Variants in MUC12 observed in about 807,000 individuals in gnomAD.
MUC12 encodes mucin-12.
Under a neutral mutation model 230.8 loss-of-function variants are expected in MUC12, and 172 were observed. The observed-to-expected ratio is 0.75, with a 90% CI of 0.66 to 0.85. The LOEUF (loss-of-function observed/expected upper bound fraction) is 0.85. Ranked by LOEUF, MUC12 falls within the 40% of genes least tolerant of loss-of-function variation. The pLI, the probability that MUC12 is intolerant of heterozygous loss-of-function variation, is 0.00. For synonymous variants in MUC12, 1,259 were observed against 2,401.9 expected (o/e 0.52, Z 13.91); for missense variants, 3,506 against 5,920.6 (o/e 0.59, Z 13.38).
chr7:100,982,390 CT>C (rs1214876893), intron 1 of MUC12, among the ~76,000 whole-genome samples: 12 of 152,222 alleles, frequency 7.9e-5, no homozygotes, highest in African/African-American at 2.4e-4. Context: ...CTCTTTATTC[CT>C]CTAGCCCTTT....
rs372552928 is a variant in MUC12, at chr7:100,991,710, A to G, written c.1147A>G (p.Ser383Gly). ...TGAAAGCTCCACAACTTCAGGCCAT[A>G]GTGAAGAATCAGCAACTTTCCACGG... ...FPESSTTSGH[S>G]EESATFHGST... The change falls in exon 2 of 12, where the codon AGT becomes GGT. Residue 383 changes from serine to glycine, a missense_variant. Coordinates refer to ENST00000536621, the MANE Select transcript of MUC12 (RefSeq NM_001164462.2). The G allele has an allele frequency of 1.5e-4, 238 of 1,537,456 alleles. No homozygotes were observed. The African/African-American group carries it at 2.4e-3, about 15-fold the overall frequency.
At chr7:101,014,701 C>T (rs1031027623) in intron 9 of MUC12, among the ~76,000 whole-genome samples, 59 of 152,254 alleles carry the variant, frequency 3.9e-4, no homozygotes, top group African/African-American at 1.3e-3. Context: ...TGGTCTTGAA[C>T]TCCTGACCTT....
In MUC12 at chr7:101,004,359, T is replaced by C; in HGVS notation, c.13796T>C (p.Val4599Ala). 1.4e-6 allele frequency: 2 copies of C among 1,410,716 alleles called. No individual in the cohort carries two copies. The highest frequency in any genetic ancestry group is 1.9e-6 in the Non-Finnish European group (2 of 1,067,134). The allele number at this position is 1,410,716 out of a possible 1,614,324, so 87.4% of individuals were successfully genotyped here. A position where few individuals can be genotyped will look rare whatever the true frequency, so the allele number is the denominator to read the frequency against. ...SPARSTTSGL[V>A]EESTAYHSSP... Reference sequence around the variant, plus strand: ...GCCCGCTCCACAACCTCAGGCCTCGTTGAAGAATCTACGGCGTACCACAGC... The same window carrying C: ...GCCCGCTCCACAACCTCAGGCCTCGCTGAAGAATCTACGGCGTACCACAGC... The change falls in exon 2 of 12, where the codon GTT becomes GCT. Residue 4599 changes from valine to alanine, a missense_variant. By Grantham distance (64) the Val-to-Ala change is moderately conservative (BLOSUM62 0). Coordinates refer to ENST00000536621, the MANE Select transcript of MUC12 (RefSeq NM_001164462.2).
intron 1 of MUC12, chr7:100,972,068 G>T (rs766293487): frequency 5.7e-6 from 4 of 702,644 alleles, no homozygotes; most frequent in Admixed American, 2.0e-5. Flanking sequence ...ACTCCGGAGG[G>T]CTCCGGAAGA....
At position 101,012,394 on chromosome 7, in the gene MUC12, C is replaced by T; in HGVS notation, c.15350C>T (p.Ala5117Val). Residue 5117 changes from alanine (A) to valine (V), a missense_variant, in exon 6 of 12, where the codon GCC becomes GTC. Transcript: ENST00000536621. ...GAAAACCTGGCAGAGATTGTAAAGG[C>T]CAAGATTATGAATGAAACTAGAACA... ...LFENLAEIVK[A>V]KIMNETRTTL... The T allele has an allele frequency of 2.0e-6, 3 of 1,537,780 alleles. No homozygotes were observed. The highest frequency in any genetic ancestry group is 1.7e-6 in the Non-Finnish European group (2 of 1,147,028).
chr7:100,980,030 T>TC lies in MUC12; in HGVS notation c.67+10341_67+10342insC, dbSNP rs1491364511. ...CACATTGAGAACTCGCCTCTCTCTC[T>TC]TTTTTTTTTTTCGTTGTTGTTGTTT... is the stretch of plus-strand genomic sequence containing the variant. On this transcript the variant is annotated intron_variant, in intron 1 of 11. Transcript: ENST00000536621. 4.5e-4 allele frequency among the ~76,000 whole-genome samples: 64 copies of TC among 141,430 alleles called. 1 individual carries two copies. Among genetic ancestry groups the TC allele is most frequent in the Middle Eastern group, 3.6e-3 (1 of 280 alleles). The allele number at this position is 141,430 out of a possible 152,430, so 92.8% of individuals were successfully genotyped here.
Position 100,992,347 on chromosome 7 carries a change from AC to A in MUC12, c.1785del (p.Asn595LysfsTer186). 6.5e-7 allele frequency: 1 copy of A among 1,536,562 alleles called. No homozygotes were observed. The highest frequency in any genetic ancestry group is 1.4e-5 in the African/African-American group (1 of 73,128). Reference sequence around the variant, plus strand: ...ACTGAAACAACACTCTTACCTGACAACACCACAGCCTCAGGACTCCTTGAAG... The same window carrying A: ...ACTGAAACAACACTCTTACCTGACAAACCACAGCCTCAGGACTCCTTGAAG... ...GSTETTLLPD[N>X]TTASGLLEAS... On this transcript the variant is annotated frameshift_variant, in exon 2 of 12. Transcript: ENST00000536621. LOFTEE classifies it high-confidence loss of function.
rs780047483 is a variant in MUC12, at chr7:100,980,029, C to CT, written c.67+10352dup. 5.1e-3 allele frequency among the ~76,000 whole-genome samples: 723 copies of CT among 142,824 alleles called. 3 individuals carry two copies. The highest frequency in any genetic ancestry group is 8.6e-3 in the Non-Finnish European group (556 of 64,832). 93.7% of individuals were successfully genotyped at this position (142,824 alleles called of 152,430 possible). ...GCACATTGAGAACTCGCCTCTCTCT[C>CT]TTTTTTTTTTTTCGTTGTTGTTGTT... On this transcript the variant is annotated intron_variant, in intron 1 of 11. Coordinates refer to ENST00000536621, the MANE Select transcript of MUC12 (RefSeq NM_001164462.2).
Position 101,012,820 on chromosome 7 carries a change from G to A in MUC12, c.15405G>A (p.Lys5135=), listed in dbSNP as rs1232394744. 6.5e-6 allele frequency: 10 copies of A among 1,537,260 alleles called. No individual in the cohort carries two copies. The highest frequency in any genetic ancestry group is 7.8e-6 in the Non-Finnish European group (9 of 1,146,914). Reference sequence around the variant, plus strand: ...TTCCTTCCCATCCACTCTCGGCAGAGGCCATACTGTGCTATAGTGAAGAGG... The same window carrying A: ...TTCCTTCCCATCCACTCTCGGCAGAAGCCATACTGTGCTATAGTGAAGAGG... The part of the protein sequence containing the change: ...TTLLDPDSCR[K]AILCYSEEDT... Residue 5135 remains lysine (K), a splice_region_variant and synonymous_variant, in exon 7 of 12, where the codon AAG becomes AAA. Coordinates refer to ENST00000536621, the MANE Select transcript of MUC12 (RefSeq NM_001164462.2).
At chr7:100,981,345 C>T in intron 1 of MUC12, 1 of 606,290 alleles carries the variant, frequency 1.6e-6, no homozygotes, top group Non-Finnish European at 2.9e-6. Flanking sequence ...TCACCCAGAG[C>T]ATGGTTCCCT....
Position 100,992,337 on chromosome 7 carries a change from T to C in MUC12, c.1774T>C (p.Leu592=), listed in dbSNP as rs1189272520. 2.6e-6 allele frequency: 4 copies of C among 1,536,762 alleles called. No individual in the cohort carries two copies. The highest frequency in any genetic ancestry group is 8.7e-7 in the Non-Finnish European group (1 of 1,146,116). ...SRPGSTETTL[L]PDNTTASGLL... is the part of the protein sequence containing the mutation. ...CCCAGGCTCCACTGAAACAACACTCTTACCTGACAACACCACAGCCTCAGG... is the reference window on the plus strand; with the variant it reads ...CCCAGGCTCCACTGAAACAACACTCCTACCTGACAACACCACAGCCTCAGG... The change falls in exon 2 of 12, where the codon TTA becomes CTA. Residue 592 remains leucine, a synonymous_variant. Transcript: ENST00000536621.
rs1161523030 is a variant in MUC12, at chr7:100,994,093, C to A, written c.3530C>A (p.Thr1177Asn). 6 of 1,027,668 alleles carry A rather than the reference C, an allele frequency of 5.8e-6. 2 individuals are homozygous for A. Among genetic ancestry groups the A allele is most frequent in the South Asian group, 5.0e-5 (3 of 60,274 alleles). The allele number at this position is 1,027,668 out of a possible 1,614,324, so 63.7% of individuals were successfully genotyped here. Reference protein sequence around the residue: ...STETTVFPHSTTTSVHGEEPT... With the variant: ...STETTVFPHSNTTSVHGEEPT... Reference sequence around the variant, plus strand: ...GAAACCACAGTGTTCCCTCACAGCACCACAACCTCAGTTCATGGTGAAGAG... The same window carrying A: ...GAAACCACAGTGTTCCCTCACAGCAACACAACCTCAGTTCATGGTGAAGAG... The change falls in exon 2 of 12, where the codon ACC (threonine) becomes AAC (asparagine). Residue 1177 changes from threonine (T) to asparagine (N), a missense_variant. Physicochemically the swap from Thr to Asn is moderately conservative, Grantham distance 65. Transcript: ENST00000536621.
intron 4 of MUC12, 137 bp downstream of exon 4, chr7:101,008,898 G>GAAGCTCTCAA: frequency 7.6e-7 from 1 of 1,314,884 alleles, no homozygotes; most frequent in Non-Finnish European, 1.0e-6. Flanking sequence ...GTCTTGAAAG[G>GAAGCTCTCAA]AGGTCCTTTG....
In MUC12 at chr7:101,013,105, G is replaced by A. The variant is rs769891317; in HGVS notation, c.15601G>A (p.Gly5201Ser). Residue 5201 changes from glycine (G) to serine (S), a missense_variant, in exon 8 of 12, where the codon GGC becomes AGC. By Grantham distance (56) the Gly-to-Ser change is moderately conservative. Coordinates refer to ENST00000536621, the MANE Select transcript of MUC12 (RefSeq NM_001164462.2). ...GAAGTCGCAAATGAACTGTAACCTG[G>A]GCACATGTCAGCTGCAACGCAGTGG... ...GTKSQMNCNL[G>S]TCQLQRSGPR... The A allele has an allele frequency of 7.8e-6, 12 of 1,537,144 alleles. No individual in the cohort carries two copies. The East Asian group carries it at 2.9e-4, about 38-fold the overall frequency.
chr7:100,995,863 A>G lies in MUC12; in HGVS notation c.5300A>G (p.Glu1767Gly). Residue 1767 changes from glutamate to glycine, a missense_variant, in exon 2 of 12, where the codon GAA (glutamate) becomes GGA (glycine). Transcript: ENST00000536621. ...PARSTTSGLV[E>G]ESTAYHSSPG... is the part of the protein sequence containing the mutation. ...CGCTCCACAACCTCAGGCCTCGTTG[A>G]AGAATCTACGGCGTACCACAGCAGC... is the stretch of plus-strand genomic sequence containing the variant. The G allele has an allele frequency of 6.9e-7, 1 of 1,447,200 alleles. No individual in the cohort carries two copies. The highest frequency in any genetic ancestry group is 9.2e-7 in the Non-Finnish European group (1 of 1,081,106). 89.6% of individuals were successfully genotyped at this position (1,447,200 alleles called of 1,614,324 possible).
At chr7:100,976,271 T>C (rs951628916) in intron 1 of MUC12, among the ~76,000 whole-genome samples, 2 of 147,508 alleles carry the variant, frequency 1.4e-5, no homozygotes, top group African/African-American at 5.0e-5. Flanking sequence ...GAGCAAGACA[T>C]TACCTCTTAA....
chr7:100,986,860 C>T (rs1793198437), intron 1 of MUC12, among the ~76,000 whole-genome samples: 1 of 152,112 alleles, frequency 6.6e-6, no homozygotes, highest in East Asian at 1.9e-4. Flanking sequence ...TGTAGAATTC[C>T]TAGTAACTCC....
Position 100,992,233 on chromosome 7 carries a change from G to T in MUC12, c.1670G>T (p.Gly557Val). 1 of 1,537,122 alleles carries T rather than the reference G, an allele frequency of 6.5e-7. No individual in the cohort carries two copies. The highest frequency in any genetic ancestry group is 8.7e-7 in the Non-Finnish European group (1 of 1,146,500). ...TCTACAGCTTCCCACAGCAGCCCAGGCCCCACAGACACAACATTGTCCCCT... is the reference window on the plus strand; with the variant it reads ...TCTACAGCTTCCCACAGCAGCCCAGTCCCCACAGACACAACATTGTCCCCT... ...QESTASHSSPGPTDTTLSPGS... is the reference protein window; with the variant it reads ...QESTASHSSPVPTDTTLSPGS... The change falls in exon 2 of 12, where the codon GGC (glycine) becomes GTC (valine). Residue 557 changes from glycine (G) to valine (V), a missense_variant. Transcript: ENST00000536621.
rs61570080 is a variant in MUC12 at position 100,989,099 on chromosome 7, C to CTT, written c.68-1514_68-1513dup. Among the ~76,000 whole-genome samples, 42 of 134,000 alleles carry CTT rather than the reference C, an allele frequency of 3.1e-4. 1 individual carries two copies. Among genetic ancestry groups the CTT allele is most frequent in the African/African-American group, 1.0e-3 (35 of 34,858 alleles). The allele number at this position is 134,000 out of a possible 152,430, so 87.9% of individuals were successfully genotyped here. A position where few individuals can be genotyped will look rare whatever the true frequency, so the allele number is the denominator to read the frequency against. ...TCTGGTATGTCTTCTTCCTCTTCTT[C>CTT]TTTTTTTTTTTTTTTTTTTGAGACA... On this transcript the variant is annotated intron_variant, in intron 1 of 11. Coordinates refer to ENST00000536621, the MANE Select transcript of MUC12 (RefSeq NM_001164462.2).
Sources: gnomAD v4.1 joint callset for allele counts (sites outside exome capture counted in the v4.1 genomes callset) on GRCh38, gnomAD v4.1.1 for gene constraint, MANE v1.5 for transcripts, NCBI Gene and HGNC (gene_info 2026-07-23, HGNC 2026-07-21) for gene names.